The following THSD7B variants were observed in gnomAD, a reference collection of about 807,000 sequenced individuals.
The protein encoded by THSD7B is thrombospondin type 1 domain containing 7B.
THSD7B carries 138 observed loss-of-function variants against 213.6 expected under a neutral mutation model. The ratio of observed to expected loss-of-function variants is 0.65; its 90% CI spans 0.56 to 0.74. THSD7B has a LOEUF of 0.74. THSD7B is among the 30% of genes least tolerant of loss of function. The pLI, the probability that THSD7B is intolerant of heterozygous loss-of-function variation, is 0.00. For synonymous variants in THSD7B, 742 were observed against 687.0 expected (o/e 1.08, Z -1.25); for missense variants, 1,931 against 1,991.5 (o/e 0.97, Z 0.58).
At chr2:136,955,977 C>T (rs957674906) in intron 2 of THSD7B, among the ~76,000 whole-genome samples, 8 of 148,018 alleles carry the variant, frequency 5.4e-5, no homozygotes, top group South Asian at 2.1e-4. Flanking sequence ...TGCAGTGAGC[C>T]GAGATTGCGC....
chr2:137,016,050 A>T (rs1686333661), intron 2 of THSD7B, among the ~76,000 whole-genome samples: 1 of 152,162 alleles, frequency 6.6e-6, no homozygotes, highest in Non-Finnish European at 1.5e-5. Flanking sequence ...CTACACTAAC[A>T]TTTGTTCAGT....
intron 9 of THSD7B, among the ~76,000 whole-genome samples, chr2:137,233,810 G>A (rs573280352): frequency 1.3e-5 from 2 of 152,324 alleles, no homozygotes; most frequent in African/African-American, 4.8e-5. Context: ...GGAGATGTAT[G>A]TTTTCCTAAA....
At chr2:136,825,303 T>C (rs1230645281) in intron 1 of THSD7B, among the ~76,000 whole-genome samples, 1 of 152,190 alleles carries the variant, frequency 6.6e-6, no homozygotes, top group Admixed American at 6.5e-5. Flanking sequence ...GTCTGGAGAT[T>C]AGAAGTCCAG....
chr2:137,284,752 G>A (rs1683125511), intron 12 of THSD7B, among the ~76,000 whole-genome samples: 1 of 152,160 alleles, frequency 6.6e-6, no homozygotes, highest in South Asian at 2.1e-4. Context: ...TGATTGCACT[G>A]TGGTCTGAGA....
At chr2:137,206,655 A>C (rs1343515450) in intron 7 of THSD7B, among the ~76,000 whole-genome samples, 4 of 152,044 alleles carry the variant, frequency 2.6e-5, no homozygotes, top group Non-Finnish European at 5.9e-5. Context: ...ATAGAGAAAG[A>C]CCATAAAGGA....
intron 17 of THSD7B, among the ~76,000 whole-genome samples, chr2:137,591,045 A>C (rs974891540): frequency 3.3e-5 from 5 of 151,184 alleles, no homozygotes; most frequent in Non-Finnish European, 7.4e-5. Context: ...TTCTAATTTT[A>C]TTTCACTCTG....
chr2:137,353,261 G>C (rs965116822), intron 12 of THSD7B, among the ~76,000 whole-genome samples: 15 of 152,024 alleles, frequency 9.9e-5, no homozygotes, highest in Non-Finnish European at 5.9e-5. Flanking sequence ...CCAACTTAGG[G>C]AGAAATAGAT....
chr2:137,397,354 G>C (rs1437099847), intron 12 of THSD7B, among the ~76,000 whole-genome samples: 2 of 152,024 alleles, frequency 1.3e-5, no homozygotes, highest in Non-Finnish European at 2.9e-5. Context: ...TTTTAGGGCA[G>C]GCCTGGTGGT....
chr2:137,516,879 C>T (rs975421874), intron 15 of THSD7B, among the ~76,000 whole-genome samples: 1 of 152,178 alleles, frequency 6.6e-6, no homozygotes, highest in African/African-American at 2.4e-5. Context: ...ATTAGTGCCA[C>T]CATCAAGGAC....
At chr2:137,392,292 T>C (rs1053882790) in intron 12 of THSD7B, among the ~76,000 whole-genome samples, 13 of 152,186 alleles carry the variant, frequency 8.5e-5, no homozygotes, top group African/African-American at 3.1e-4. Flanking sequence ...TTCACATCCA[T>C]TGTTTTTTGT....
intron 2 of THSD7B, among the ~76,000 whole-genome samples, chr2:136,896,220 C>T (rs1683957341): frequency 6.6e-6 from 1 of 152,112 alleles, no homozygotes; most frequent in East Asian, 1.9e-4. Flanking sequence ...TCCCTGTTTC[C>T]CCACATTCTT....
At chr2:136,958,807 C>G (rs1021133785) in intron 2 of THSD7B, among the ~76,000 whole-genome samples, 1 of 152,114 alleles carries the variant, frequency 6.6e-6, no homozygotes, top group Non-Finnish European at 1.5e-5. Flanking sequence ...CTCATGAGAC[C>G]AAGCAATCTA....
At chr2:137,413,634 A>G (rs1334334368) in intron 14 of THSD7B, among the ~76,000 whole-genome samples, 1 of 152,208 alleles carries the variant, frequency 6.6e-6, no homozygotes, top group Non-Finnish European at 1.5e-5. Flanking sequence ...GGTGTTTTGG[A>G]TAAAACGAAA....
Position 137,319,095 on chromosome 2 carries a change from A to G in THSD7B, c.2500+43069A>G, listed in dbSNP as rs79992411. Among the ~76,000 whole-genome samples the G allele has an allele frequency of 7.1e-3, 1,087 of 152,206 alleles. 68 individuals are homozygous for G. The East Asian group carries it at 0.16, about 22-fold the overall frequency. Reference sequence around the variant, plus strand: ...ATCTTAAAATCTTTACTCAGGGTATAATACCTCTTATAAAATATCTTTCTA... The same window carrying G: ...ATCTTAAAATCTTTACTCAGGGTATGATACCTCTTATAAAATATCTTTCTA... On this transcript the variant is annotated intron_variant, in intron 12 of 27. Transcript: ENST00000409968.
chr2:137,361,729 T>C (rs573260964), intron 12 of THSD7B, among the ~76,000 whole-genome samples: 3 of 152,240 alleles, frequency 2.0e-5, no homozygotes, highest in African/African-American at 7.2e-5. Context: ...AATATGAGAC[T>C]ACGTGAAAAG....
chr2:137,416,545 A>T (rs1686804461), intron 14 of THSD7B, among the ~76,000 whole-genome samples: 2 of 152,184 alleles, frequency 1.3e-5, no homozygotes, highest in African/African-American at 4.8e-5. Flanking sequence ...TGATTGTATC[A>T]TGTTTATTTC....
chr2:137,095,244 C>T (rs1688019938), intron 4 of THSD7B, 123 bp downstream of exon 4: 1 of 1,342,850 alleles, frequency 7.4e-7, no homozygotes, highest in African/African-American at 1.5e-5. Flanking sequence ...ATACAAGTTC[C>T]ATACTTGGCA....
intron 2 of THSD7B, among the ~76,000 whole-genome samples, chr2:136,962,880 A>G (rs1685249589): frequency 6.6e-6 from 1 of 152,192 alleles, no homozygotes; most frequent in Non-Finnish European, 1.5e-5. Flanking sequence ...TAAAACAGAC[A>G]CACATTTGAA....
At chr2:136,786,587 A>C (rs34894826) in intron 1 of THSD7B, among the ~76,000 whole-genome samples, 21,323 of 152,108 alleles carry the variant, frequency 0.14, 2,229 homozygotes, top group Non-Finnish European at 0.22. Flanking sequence ...CAGACGTTTC[A>C]TCTAAAATGT....
Sources: gnomAD v4.1 joint callset for allele counts (sites outside exome capture counted in the v4.1 genomes callset) on GRCh38, gnomAD v4.1.1 for gene constraint, MANE v1.5 for transcripts, NCBI Gene and HGNC (gene_info 2026-07-23, HGNC 2026-07-21) for gene names.